The following KIF2C variants were observed in gnomAD, a reference collection of about 807,000 sequenced individuals.
The protein encoded by KIF2C is kinesin family member 2C, also known as kinesin-like protein KIF2C.
In KIF2C, 34 loss-of-function variants were observed where a neutral mutation model predicts 97.4. The ratio of observed to expected loss-of-function variants is 0.35; its 90% CI spans 0.27 to 0.46. KIF2C has a LOEUF of 0.46. Ranked by LOEUF, KIF2C falls within the 20% of genes least tolerant of loss-of-function variation. The pLI, the probability that KIF2C is intolerant of heterozygous loss-of-function variation, is 1.00. For synonymous variants in KIF2C, 313 were observed against 318.2 expected (o/e 0.98, Z 0.17); for missense variants, 750 against 907.6 (o/e 0.83, Z 2.23).
chr1:44,758,051 C>G lies in KIF2C; in HGVS notation c.1135C>G (p.Arg379Gly), dbSNP rs773377381. ...CTTAGCAAAGTTCTCTCCCTCAGCCCGGGACGTCTTCCTCCTGAAGAATCA... is the reference window on the plus strand; with the variant it reads ...CTTAGCAAAGTTCTCTCCCTCAGCCGGGGACGTCTTCCTCCTGAAGAATCA... ...ASKGIYAMAS[R>G]DVFLLKNQPC... Residue 379 changes from arginine (R) to glycine (G), a missense_variant and splice_region_variant, in exon 13 of 21, where the codon CGG becomes GGG. Transcript: ENST00000372224. 6.2e-7 allele frequency: 1 copy of G among 1,614,138 alleles called. No homozygotes were observed. Among genetic ancestry groups the G allele is most frequent in the Admixed American group, 1.7e-5 (1 of 60,024 alleles).
intron 5 of KIF2C, 93 bp downstream of exon 5, chr1:44,750,657 C>G (rs779980140): frequency 4.5e-5 from 59 of 1,307,902 alleles, no homozygotes; most frequent in Non-Finnish European, 5.5e-5. Flanking sequence ...TTCATCCATT[C>G]CCCCAGCTTC....
chr1:44,756,325 G>A, intron 10 of KIF2C, 88 bp downstream of exon 10: 3 of 1,334,330 alleles, frequency 2.2e-6, no homozygotes, highest in Non-Finnish European at 3.2e-6. Context: ...TCACAGACGT[G>A]CTGAATTCTG....
chr1:44,742,082 A>G (rs1573547450), intron 2 of KIF2C, among the ~76,000 whole-genome samples: 1 of 151,016 alleles, frequency 6.6e-6, no homozygotes, highest in South Asian at 2.1e-4. Context: ...AATTGAAGCA[A>G]TCAATAATTT....
chr1:44,757,673 G>C (rs946087453), intron 11 of KIF2C, 27 bp downstream of exon 11: 20 of 1,529,796 alleles, frequency 1.3e-5, no homozygotes, highest in African/African-American at 6.8e-5. Context: ...GGCGGGGAAA[G>C]AGCCTTTCCC....
At chr1:44,759,128 C>T in intron 13 of KIF2C, 78 bp from the exon 14 acceptor site, 1 of 1,577,318 alleles carries the variant, frequency 6.3e-7, no homozygotes, top group Non-Finnish European at 8.7e-7. Flanking sequence ...CCGAGCTGGG[C>T]AGGCTAGTAG....
Position 44,739,918 on chromosome 1 carries a change from T to G in KIF2C, c.-15T>G, listed in dbSNP as rs762185405. 7 of 1,613,450 alleles carry G rather than the reference T, an allele frequency of 4.3e-6. No homozygotes were observed. The highest frequency in any genetic ancestry group is 5.9e-6 in the Non-Finnish European group (7 of 1,179,314). ...TCTTGGTATTGCGCGTTTCTCTTCC[T>G]TGCTGACTCTCCGAATGGCCATGGA... On this transcript the variant is annotated 5_prime_UTR_variant, in exon 1 of 21. Coordinates refer to ENST00000372224, the MANE Select transcript of KIF2C (RefSeq NM_006845.4).
chr1:44,744,811 A>C lies in KIF2C; in HGVS notation c.166-2573A>C, dbSNP rs915234293. On this transcript the variant is annotated intron_variant, in intron 2 of 20. Coordinates refer to ENST00000372224, the MANE Select transcript of KIF2C (RefSeq NM_006845.4). ...GCTACTCAGGAGGCTGAGGCGGAAG[A>C]ATCGCTTGAACCCGGGAGGTGGAGG... is the stretch of plus-strand genomic sequence containing the variant. Among the ~76,000 whole-genome samples, 48 of 152,228 alleles carry C rather than the reference A, an allele frequency of 3.2e-4. 1 individual carries two copies. Among genetic ancestry groups the C allele is most frequent in the African/African-American group, 1.0e-3 (43 of 41,540 alleles).
intron 2 of KIF2C, among the ~76,000 whole-genome samples, chr1:44,745,522 G>A (rs1649146271): frequency 8.4e-6 from 1 of 119,316 alleles, no homozygotes. Context: ...TGCCCAGGCT[G>A]GAGTGTGATG....
intron 19 of KIF2C, among the ~76,000 whole-genome samples, chr1:44,765,239 C>T (rs1348260318): frequency 6.6e-6 from 1 of 152,050 alleles, no homozygotes; most frequent in Non-Finnish European, 1.5e-5. Flanking sequence ...GCCTGGGTAA[C>T]ATGGCCCCAT....
At chr1:44,752,241 C>A (rs968312015) in intron 5 of KIF2C, among the ~76,000 whole-genome samples, 2 of 149,470 alleles carry the variant, frequency 1.3e-5, no homozygotes, top group African/African-American at 4.9e-5. Context: ...CGGGTTCATG[C>A]CATTCTCCCT....
chr1:44,753,221 C>T lies in KIF2C; in HGVS notation c.529C>T (p.Arg177Ter). Residue 177 changes from arginine to a stop codon, truncating the protein, a stop_gained, in exon 6 of 21, where the codon CGA becomes TGA. Coordinates refer to ENST00000372224, the MANE Select transcript of KIF2C (RefSeq NM_006845.4). LOFTEE classifies it high-confidence loss of function. The stretch of plus-strand genomic sequence containing the variant: ...GATGGAAGAGCAAGTCCATTCCATC[C>T]GAGGCAGCTCTTCTGCAAACCCTGT... ...EEMEEQVHSI[R>*]GSSSANPVNS... is the part of the protein sequence containing the mutation. 1.2e-6 allele frequency: 2 copies of T among 1,613,840 alleles called. No homozygotes were observed. The highest frequency in any genetic ancestry group is 1.7e-6 in the Non-Finnish European group (2 of 1,179,834).
intron 2 of KIF2C, among the ~76,000 whole-genome samples, chr1:44,745,876 T>C (rs1190994120): frequency 6.6e-6 from 1 of 152,028 alleles, no homozygotes; most frequent in African/African-American, 2.4e-5. Flanking sequence ...GATTTCTTTT[T>C]TCTTTTTCTT....
At chr1:44,752,943 A>G (rs1457334822) in intron 5 of KIF2C, among the ~76,000 whole-genome samples, 189 bp from the exon 6 acceptor site, 1 of 152,192 alleles carries the variant, frequency 6.6e-6, no homozygotes, top group Non-Finnish European at 1.5e-5. Flanking sequence ...TTTTGACCCC[A>G]GGAGCCAGCC....
chr1:44,756,385 C>A, intron 10 of KIF2C, 148 bp downstream of exon 10: 1 of 824,268 alleles, frequency 1.2e-6, no homozygotes, highest in Non-Finnish European at 2.0e-6. Context: ...CCTTTGGCAG[C>A]TTAGTGGCCC....
intron 8 of KIF2C, 45 bp downstream of exon 8, chr1:44,754,890 GAGAC>G (rs1283097421): frequency 5.8e-6 from 7 of 1,211,592 alleles, no homozygotes; most frequent in Non-Finnish European, 7.3e-6. Context: ...GTACAATTGA[GAGAC>G]AGAAAACTTC....
intron 1 of KIF2C, among the ~76,000 whole-genome samples, chr1:44,740,426 T>G (rs1205851225): frequency 1.2e-4 from 19 of 152,170 alleles, no homozygotes; most frequent in Non-Finnish European, 2.8e-4. Flanking sequence ...GAGGAGCTTG[T>G]AGTCGTTCTC....
intron 16 of KIF2C, among the ~76,000 whole-genome samples, chr1:44,761,505 G>A (rs1005766399): frequency 6.6e-6 from 1 of 152,076 alleles, no homozygotes; most frequent in African/African-American, 2.4e-5. Flanking sequence ...CTACTCGGGA[G>A]GCTAAGGCAG....
intron 16 of KIF2C, among the ~76,000 whole-genome samples, chr1:44,761,235 C>G (rs1650123930): frequency 6.6e-6 from 1 of 152,192 alleles, no homozygotes; most frequent in Admixed American, 6.5e-5. Context: ...GTGGGATTTT[C>G]TGACTAAGCT....
chr1:44,744,089 TG>T (rs111721088), intron 2 of KIF2C, among the ~76,000 whole-genome samples: 48,259 of 145,316 alleles, frequency 0.33, 8,032 homozygotes, highest in East Asian at 0.44. Flanking sequence ...TTTTTTTTTT[TG>T]TTTGTTTGTT....
Sources: allele counts gnomAD v4.1 joint callset (sites outside exome capture counted in the v4.1 genomes callset), GRCh38; gene constraint gnomAD v4.1.1; transcripts MANE v1.5; gene names NCBI Gene and HGNC (gene_info 2026-07-23, HGNC 2026-07-21).